The following A1CF variants were observed in gnomAD, a reference collection of about 807,000 sequenced individuals.
The protein encoded by A1CF is APOBEC-1 stimulating protein.
Under a neutral mutation model 68.9 loss-of-function variants are expected in A1CF, and 48 were observed. The observed-to-expected ratio is 0.70, with a 90% confidence interval of 0.55 to 0.89. A1CF has a LOEUF of 0.89. Among genes scored for constraint, A1CF ranks in the 40% least tolerant of loss-of-function variants. A1CF has a pLI of 0.00. For synonymous variants in A1CF, 272 were observed against 260.4 expected (o/e 1.04, Z -0.43); for missense variants, 653 against 718.9 (o/e 0.91, Z 1.05).
intron 5 of A1CF, 148 bp from the exon 6 acceptor site, chr10:50,836,460 T>C: frequency 1.2e-6 from 1 of 815,352 alleles, no homozygotes; most frequent in Non-Finnish European, 1.9e-6. Flanking sequence ...TGGCTTCTTT[T>C]GCAAGATTAT....
At chr10:50,850,715 T>C in intron 3 of A1CF, 1 of 1,614,148 alleles carries the variant, frequency 6.2e-7, no homozygotes, top group Non-Finnish European at 8.5e-7. Context: ...TTATTTCCTT[T>C]TTTGAGGCCA....
intron 6 of A1CF, among the ~76,000 whole-genome samples, chr10:50,832,438 A>T (rs1325330178): frequency 6.6e-6 from 1 of 152,198 alleles, no homozygotes; most frequent in Non-Finnish European, 1.5e-5. Context: ...TAATTCTAAA[A>T]TGCAGCCACA....
At chr10:50,872,059 C>A (rs1267660627) in intron 1 of A1CF, among the ~76,000 whole-genome samples, 2 of 151,798 alleles carry the variant, frequency 1.3e-5, no homozygotes, top group African/African-American at 2.4e-5. Flanking sequence ...AAATAATAGA[C>A]ACATATCAGT....
chr10:50,816,375 C>G, intron 8 of A1CF, 96 bp from the exon 9 acceptor site: 1 of 1,322,288 alleles, frequency 7.6e-7, no homozygotes, highest in Non-Finnish European at 1.1e-6. Context: ...AAGTGTTAGA[C>G]TATTTGCTGT....
chr10:50,867,016 GTT>G (rs1252757608), intron 1 of A1CF, among the ~76,000 whole-genome samples: 25 of 143,968 alleles, frequency 1.7e-4, no homozygotes, highest in African/African-American at 6.3e-4. Flanking sequence ...TGCCTGGCCT[GTT>G]TTTTTTTTTT....
At chr10:50,840,845 A>G (rs1421934588) in intron 5 of A1CF, among the ~76,000 whole-genome samples, 1 of 152,146 alleles carries the variant, frequency 6.6e-6, no homozygotes, top group African/African-American at 2.4e-5. Context: ...AGTCTTTTCC[A>G]TTGCAATGGC....
chr10:50,818,996 G>A (rs987918751), intron 8 of A1CF, among the ~76,000 whole-genome samples: 35 of 152,262 alleles, frequency 2.3e-4, no homozygotes, highest in Admixed American at 3.9e-4. Flanking sequence ...TAGCCAATGG[G>A]GAACACTGGT....
chr10:50,814,143 C>T (rs1838257225), intron 9 of A1CF, 105 bp from the exon 10 acceptor site: 1 of 1,287,076 alleles, frequency 7.8e-7, no homozygotes, highest in Non-Finnish European at 1.1e-6. Context: ...AAAGTTAGCC[C>T]AATTCACGTT....
chr10:50,816,656 A>AT (rs1313440135), intron 8 of A1CF, among the ~76,000 whole-genome samples: 2 of 152,212 alleles, frequency 1.3e-5, no homozygotes, highest in African/African-American at 4.8e-5. Context: ...TAGGTTTGTT[A>AT]TGGATGGTAT....
intron 12 of A1CF, among the ~76,000 whole-genome samples, chr10:50,808,488 G>A (rs1837939791): frequency 6.6e-6 from 1 of 152,144 alleles, no homozygotes; most frequent in African/African-American, 2.4e-5. Context: ...TAAGACAGGG[G>A]CTCAACTTTC....
chr10:50,816,569 G>T, intron 8 of A1CF: 1 of 314,404 alleles, frequency 3.2e-6, no homozygotes, highest in Non-Finnish European at 5.9e-6. Context: ...GAGACAGAAA[G>T]TTATGTAATA....
intron 3 of A1CF, among the ~76,000 whole-genome samples, chr10:50,852,122 A>G (rs1299653453): frequency 6.6e-6 from 1 of 152,238 alleles, no homozygotes; most frequent in African/African-American, 2.4e-5. Context: ...TCATGAGGTC[A>G]CACCAATTTT....
In A1CF at chr10:50,828,165, C is replaced by G. The variant is rs1839059834; in HGVS notation, c.735G>C (p.Glu245Asp). ...VRNLMLSTSE[E>D]MIEKEFNNIK... is the part of the protein sequence containing the mutation. ...TATTGTTGAATTCCTTTTCAATCAT[C>G]TCTTCAGAGGTAGACAGCATAAGAT... The change falls in exon 7 of 13, where the codon GAG becomes GAC. Residue 245 changes from glutamate to aspartate, a missense_variant. By Grantham distance (45) the Glu-to-Asp change is conservative. Transcript: ENST00000373997. 2.5e-6 allele frequency: 4 copies of G among 1,591,782 alleles called. No individual in the cohort carries two copies. Among genetic ancestry groups the G allele is most frequent in the Non-Finnish European group, 3.4e-6 (4 of 1,165,472 alleles).
Position 50,799,685 on chromosome 10 carries a change from G to T in A1CF, c.*7044C>A, listed in dbSNP as rs965351710. 6.6e-6 allele frequency: 1 copy of T among 152,012 alleles called. No homozygotes were observed. The highest frequency in any genetic ancestry group is 1.5e-5 in the Non-Finnish European group (1 of 67,964). The allele number at this position is 152,012 out of a possible 1,614,324, so 9.4% of individuals were successfully genotyped here. ...ATGCACACTTTTTAATACTGTCTTT[G>T]TCTCTTTTTTGGTACCTCAGCTAAC... On this transcript the variant is annotated 3_prime_UTR_variant, in exon 13 of 13. Transcript: ENST00000373997.
chr10:50,816,139 A>T lies in A1CF; in HGVS notation c.1008T>A (p.Asp336Glu). The part of the protein sequence containing the change: ...EYTYSLGQVY[D>E]PTTTYLGAPV... ...GAGCTCCAAGGTAGGTTGTGGTGGG[A>T]TCATAAACTTGGCCCAAAGAGTAGG... Residue 336 changes from aspartate to glutamate, a missense_variant, in exon 9 of 13, where the codon GAT becomes GAA. Coordinates refer to ENST00000373997, the MANE Select transcript of A1CF (RefSeq NM_014576.4). 1 of 1,613,772 alleles carries T rather than the reference A, an allele frequency of 6.2e-7. No homozygotes were observed. Among genetic ancestry groups the T allele is most frequent in the Non-Finnish European group, 8.5e-7 (1 of 1,179,866 alleles).
Position 50,800,759 on chromosome 10 carries a change from G to A in A1CF, c.*5970C>T, listed in dbSNP as rs1430586379. On this transcript the variant is annotated 3_prime_UTR_variant, in exon 13 of 13. Coordinates refer to ENST00000373997, the MANE Select transcript of A1CF (RefSeq NM_014576.4). ...TGAAAAAGGAAAATAATCTCTCAAT[G>A]TTATTTTCCATTAAAAATAATAAAA... 1.3e-5 allele frequency: 2 copies of A among 152,080 alleles called. No homozygotes were observed. Among genetic ancestry groups the A allele is most frequent in the African/African-American group, 4.8e-5 (2 of 41,426 alleles). 9.4% of individuals were successfully genotyped at this position (152,080 alleles called of 1,614,324 possible).
intron 1 of A1CF, among the ~76,000 whole-genome samples, chr10:50,866,652 T>A (rs1841004886): frequency 1.3e-5 from 2 of 152,292 alleles, no homozygotes; most frequent in South Asian, 4.1e-4. Context: ...TGCTCTTTGA[T>A]TATAACCCTG....
At chr10:50,814,757 G>A (rs1838286970) in intron 9 of A1CF, among the ~76,000 whole-genome samples, 1 of 152,046 alleles carries the variant, frequency 6.6e-6, no homozygotes, top group East Asian at 1.9e-4. Flanking sequence ...TTATAAGATA[G>A]GCATTTTTTC....
At chr10:50,875,480 A>G (rs17591964) in intron 1 of A1CF, among the ~76,000 whole-genome samples, 19,212 of 152,202 alleles carry the variant, frequency 0.13, 1,477 homozygotes, top group Non-Finnish European at 0.17. Context: ...CTCTTAGGAG[A>G]AAGGAGCAGA....
Sources: gnomAD v4.1 joint callset for allele counts (sites outside exome capture counted in the v4.1 genomes callset) on GRCh38, gnomAD v4.1.1 for gene constraint, MANE v1.5 for transcripts, NCBI Gene and HGNC (gene_info 2026-07-23, HGNC 2026-07-21) for gene names.